The following DERA variants were observed in gnomAD, a reference collection of about 807,000 sequenced individuals.
DERA encodes deoxyribose-phosphate aldolase.
A neutral mutation model predicts 41.1 loss-of-function variants in DERA; 15 were observed. The observed-to-expected ratio is 0.37, with a 90% CI of 0.24 to 0.56. The LOEUF (loss-of-function observed/expected upper bound fraction) is 0.56, where lower values mean the gene tolerates loss of function less well. Among genes scored for constraint, DERA ranks in the 20% least tolerant of loss-of-function variants. The pLI is 0.81. For missense variants in DERA, 396 were observed against 403.4 expected (o/e 0.98, Z 0.16); for synonymous variants, 139 against 137.4 (o/e 1.01, Z -0.08).
chr12:16,007,941 G>C (rs1267928841), intron 6 of DERA, among the ~76,000 whole-genome samples: 1 of 152,060 alleles, frequency 6.6e-6, no homozygotes, highest in African/African-American at 2.4e-5. Context: ...ACCTCAGCCT[G>C]CTGTGTTCAA....
At chr12:15,997,884 TA>T (rs1948849915) in intron 6 of DERA, among the ~76,000 whole-genome samples, 1 of 152,162 alleles carries the variant, frequency 6.6e-6, no homozygotes, top group Non-Finnish European at 1.5e-5. Context: ...ACAGAGCAAA[TA>T]AACATTCGAA....
rs552762637 is a variant in DERA, at chr12:15,964,629, G to A, written c.508+1682G>A. Among the ~76,000 whole-genome samples, 8 of 152,296 alleles carry A rather than the reference G, an allele frequency of 5.3e-5. No individual in the cohort carries two copies. The South Asian group carries it at 1.2e-3, about 24-fold the overall frequency. ...TAGAGTAAAATGAAAAAGTGAGTAA[G>A]CGTAGTATTTAAAACAAATCTGGCA... On this transcript the variant is annotated intron_variant, in intron 5 of 8. Transcript: ENST00000428559.
rs1592029296 is a variant in DERA, at chr12:15,975,336, G to A, written c.509-6972G>A. ...TGTGCTGAATTAGTTTTTGGGTGGG[G>A]GCCACAAGATCGGATGAGCCAGTTT... is the stretch of plus-strand genomic sequence containing the variant. On this transcript the variant is annotated intron_variant, in intron 5 of 8. Transcript: ENST00000428559. Among the ~76,000 whole-genome samples the A allele has an allele frequency of 4.6e-5, 7 of 152,236 alleles. No individual in the cohort carries two copies. In the South Asian group the frequency reaches 1.5e-3, roughly 32 times the overall value.
intron 1 of DERA, among the ~76,000 whole-genome samples, chr12:15,955,730 GA>G (rs1948533231): frequency 6.6e-6 from 1 of 152,260 alleles, no homozygotes; most frequent in South Asian, 2.1e-4. Context: ...AGAATGAAAT[GA>G]AAATGAGTGA....
intron 1 of DERA, among the ~76,000 whole-genome samples, chr12:15,947,655 T>C (rs1302864600): frequency 6.6e-6 from 1 of 152,254 alleles, no homozygotes. Context: ...GTCTTGACTC[T>C]TTATCCAATT....
rs777718872 is a variant in DERA, at chr12:15,924,885, TTA to T, written c.31+13473_31+13474del. On this transcript the variant is annotated intron_variant, in intron 1 of 8. Coordinates refer to ENST00000428559, the MANE Select transcript of DERA (RefSeq NM_015954.4). The surrounding 1 kb of genome is among the most constrained non-coding windows in gnomAD (Gnocchi z 5.0). ...TGTGTTTTTATGTTCTAATGCTGCC[TTA>T]TTAATAGGCTGCTTGAGGGTAGGAT... Among the ~76,000 whole-genome samples, 11 of 152,244 alleles carry T rather than the reference TTA, an allele frequency of 7.2e-5. No individual in the cohort carries two copies. The highest frequency in any genetic ancestry group is 2.6e-4 in the Admixed American group (4 of 15,288).
intron 5 of DERA, among the ~76,000 whole-genome samples, chr12:15,969,834 G>A (rs1247408908): frequency 6.6e-6 from 1 of 152,162 alleles, no homozygotes; most frequent in Non-Finnish European, 1.5e-5. Flanking sequence ...TATTAGAAAA[G>A]CAGTCTCTAA....
intron 1 of DERA, among the ~76,000 whole-genome samples, chr12:15,952,712 G>A (rs767644725): frequency 1.3e-5 from 2 of 152,118 alleles, no homozygotes; most frequent in African/African-American, 4.8e-5. Context: ...AGCACATTTC[G>A]ATTTGGACTA....
chr12:16,018,146 C>A lies in DERA; in HGVS notation c.638-14396C>A, dbSNP rs114386587. Among the ~76,000 whole-genome samples the A allele has an allele frequency of 8.1e-3, 1,228 of 152,100 alleles. 20 individuals are homozygous for A. Among genetic ancestry groups the A allele is most frequent in the African/African-American group, 0.029 (1,183 of 41,496 alleles). On this transcript the variant is annotated intron_variant, in intron 6 of 8. Coordinates refer to ENST00000428559, the MANE Select transcript of DERA (RefSeq NM_015954.4). ...CCGAAGCTTATTATACAGTAGTAGC[C>A]TTAAGATATTATTTTTTTAAATATA...
rs1192566393 is a variant in DERA, at chr12:16,035,563, G to A, written c.751-669G>A. 6.6e-6 allele frequency among the ~76,000 whole-genome samples: 1 copy of A among 152,134 alleles called. No homozygotes were observed. The highest frequency in any genetic ancestry group is 1.9e-4 in the East Asian group (1 of 5,188). On this transcript the variant is annotated intron_variant, in intron 7 of 8. Coordinates refer to ENST00000428559, the MANE Select transcript of DERA (RefSeq NM_015954.4). This position sits in a 1 kb window ranked among gnomAD's most constrained non-coding sequence, Gnocchi z 4.1. ...TATTGGCTGAATTCAGCTGTGTTAT[G>A]ATCAACCTTAAAGACTACTGGACTA...
rs979035211 is a variant in DERA, at chr12:15,954,111, T to C, written c.32-2825T>C. Among the ~76,000 whole-genome samples, 7 of 152,210 alleles carry C rather than the reference T, an allele frequency of 4.6e-5. No homozygotes were observed. Among genetic ancestry groups the C allele is most frequent in the African/African-American group, 1.7e-4 (7 of 41,462 alleles). On this transcript the variant is annotated intron_variant, in intron 1 of 8. Coordinates refer to ENST00000428559, the MANE Select transcript of DERA (RefSeq NM_015954.4). This position sits in a 1 kb window ranked among gnomAD's most constrained non-coding sequence, Gnocchi z 4.0. The stretch of plus-strand genomic sequence containing the variant: ...TTGTGAGTTCTAACCTTTGGTGTAC[T>C]CAAAATTGGTTTTTAAGGGGAAAGT...
At chr12:15,955,368 C>T (rs562995731) in intron 1 of DERA, among the ~76,000 whole-genome samples, 23 of 151,478 alleles carry the variant, frequency 1.5e-4, no homozygotes, top group Non-Finnish European at 2.6e-4. Flanking sequence ...TAAATTGGGA[C>T]GAAGTCTAGA....
rs1170867181 is a variant in DERA at position 15,957,005 on chromosome 12, C to G, written c.101C>G (p.Ala34Gly). The G allele has an allele frequency of 6.2e-7, 1 of 1,613,910 alleles. No individual in the cohort carries two copies. Among genetic ancestry groups the G allele is most frequent in the East Asian group, 2.2e-5 (1 of 44,874 alleles). Reference sequence around the variant, plus strand: ...CTGAGGCGTGCGGAACAAATCCAGGCTCGCAGAACCGTGAAAAAGGAGTGG... The same window carrying G: ...CTGAGGCGTGCGGAACAAATCCAGGGTCGCAGAACCGTGAAAAAGGAGTGG... ...AVLRRAEQIQ[A>G]RRTVKKEWQA... is the part of the protein sequence containing the mutation. Residue 34 changes from alanine to glycine, a missense_variant, in exon 2 of 9, where the codon GCT becomes GGT. Coordinates refer to ENST00000428559, the MANE Select transcript of DERA (RefSeq NM_015954.4). The surrounding 1 kb of genome is among the most constrained non-coding windows in gnomAD (Gnocchi z 4.8).
intron 1 of DERA, among the ~76,000 whole-genome samples, chr12:15,953,651 C>T (rs1451627353): frequency 6.6e-6 from 1 of 152,052 alleles, no homozygotes; most frequent in Non-Finnish European, 1.5e-5. Context: ...ACTTAAAACC[C>T]CTCTTGGCCC....
At chr12:16,030,333 A>G (rs963802981) in intron 6 of DERA, among the ~76,000 whole-genome samples, 2 of 152,162 alleles carry the variant, frequency 1.3e-5, no homozygotes, top group Admixed American at 1.3e-4. Context: ...GAATCAAAAG[A>G]TGCCACATAT....
intron 6 of DERA, among the ~76,000 whole-genome samples, chr12:16,023,500 C>T (rs1254896375): frequency 7.7e-5 from 8 of 104,206 alleles, no homozygotes; most frequent in African/African-American, 3.3e-4. Flanking sequence ...TTTTTTGAGA[C>T]GGAGTCTCGC....
Position 15,955,320 on chromosome 12 carries a change from C to CT in DERA, c.32-1615dup, listed in dbSNP as rs145122876. Among the ~76,000 whole-genome samples the CT allele has an allele frequency of 1.0e-3, 152 of 151,818 alleles. 2 individuals carry two copies. In the East Asian group the frequency reaches 0.027, roughly 27 times the overall value. ...TGAAAAAAAAAAAAAAGAGGCTCCC[C>CT]TGCGTTTGAGTAGGGGGTGTTTCTT... On this transcript the variant is annotated intron_variant, in intron 1 of 8. Transcript: ENST00000428559.
intron 6 of DERA, among the ~76,000 whole-genome samples, chr12:16,022,772 C>T (rs1259947332): frequency 3.3e-5 from 5 of 152,164 alleles, no homozygotes; most frequent in African/African-American, 4.8e-5. Flanking sequence ...GCTACTAGAA[C>T]CAAAACCTAG....
In DERA at chr12:16,015,414, G is replaced by A. The variant is rs115550497; in HGVS notation, c.638-17128G>A. On this transcript the variant is annotated intron_variant, in intron 6 of 8. Transcript: ENST00000428559. ...ACGAGATCTGATGGTTTTATAAGTG[G>A]CTCGTTACCCCTTCACTTGGCACAT... Among the ~76,000 whole-genome samples, 919 of 152,284 alleles carry A rather than the reference G, an allele frequency of 6.0e-3. 16 individuals are homozygous for A. The highest frequency in any genetic ancestry group is 0.021 in the African/African-American group (880 of 41,558).
Sources: gnomAD v4.1 joint callset for allele counts (sites outside exome capture counted in the v4.1 genomes callset) on GRCh38, gnomAD v4.1.1 for gene constraint, Gnocchi (gnomAD v3.1) non-coding constraint, MANE v1.5 for transcripts, NCBI Gene and HGNC (gene_info 2026-07-23, HGNC 2026-07-21) for gene names.